The following DCT variants were observed in gnomAD, a reference collection of about 807,000 sequenced individuals.
The protein encoded by DCT is dopachrome tautomerase.
A neutral mutation model predicts 53.0 loss-of-function variants in DCT; 47 were observed. The ratio of observed to expected loss-of-function variants is 0.89; its 90% CI spans 0.70 to 1.13. The LOEUF (loss-of-function observed/expected upper bound fraction) is 1.13. DCT is among the 50% of genes most tolerant of loss of function. The pLI is 0.00. For missense variants in DCT, 669 were observed against 637.4 expected (o/e 1.05, Z -0.53); for synonymous variants, 244 against 237.0 (o/e 1.03, Z -0.27).
At chr13:94,525,645 C>T in the DCT span, among the ~76,000 whole-genome samples, 1 of 152,160 alleles carries the variant, frequency 6.6e-6, no homozygotes, top group Non-Finnish European at 1.5e-5. Context: ...TTAAACGCAA[C>T]TCTTGAGGCC....
At chr13:94,459,233 G>A (rs948304578) in intron 6 of DCT, among the ~76,000 whole-genome samples, 1 of 152,138 alleles carries the variant, frequency 6.6e-6, no homozygotes, top group Non-Finnish European at 1.5e-5. Flanking sequence ...TACCAAAGGA[G>A]TTCATCACAC....
At chr13:94,519,466 C>T in the DCT span, among the ~76,000 whole-genome samples, 15 of 152,254 alleles carry the variant, frequency 9.9e-5, no homozygotes, top group African/African-American at 3.6e-4. Flanking sequence ...AATCTCATGT[C>T]ATCTAACCCC....
chr13:94,536,796 A>T, the DCT span, among the ~76,000 whole-genome samples: 1 of 152,216 alleles, frequency 6.6e-6, no homozygotes, highest in Admixed American at 6.5e-5. Context: ...TACAAAAATT[A>T]GCGGAGGTGT....
At chr13:94,501,888 T>A in the DCT span, among the ~76,000 whole-genome samples, 1 of 152,204 alleles carries the variant, frequency 6.6e-6, no homozygotes, top group Non-Finnish European at 1.5e-5. Flanking sequence ...TTAAGGAAGC[T>A]GAAGGCAGCC....
At position 94,465,620 on chromosome 13, in the gene DCT, C is replaced by T. The variant is rs1386582855; in HGVS notation, c.863+13G>A. The T allele has an allele frequency of 2.5e-6, 4 of 1,611,406 alleles. No homozygotes were observed. The highest frequency in any genetic ancestry group is 3.4e-6 in the Non-Finnish European group (4 of 1,178,370). On this transcript the variant is annotated intron_variant, in intron 4 of 7. Coordinates refer to ENST00000377028, the MANE Select transcript of DCT (RefSeq NM_001922.5). ...CAATCTCTGGATGCCATTGCAGGTA[C>T]AGGAGCCATTACCTATCACAGACAG... is the stretch of plus-strand genomic sequence containing the variant.
chr13:94,459,093 G>T (rs113305772), intron 6 of DCT, among the ~76,000 whole-genome samples: 7,872 of 151,894 alleles, frequency 0.052, 299 homozygotes, highest in Non-Finnish European at 0.079. Context: ...TGCCCAGGCT[G>T]GTCTTGAACT....
chr13:94,518,575 T>C, the DCT span, among the ~76,000 whole-genome samples: 1 of 152,180 alleles, frequency 6.6e-6, no homozygotes, highest in Non-Finnish European at 1.5e-5. Flanking sequence ...TGCCTCAAAG[T>C]TTCTCAAACC....
At chr13:94,465,910 G>T in intron 3 of DCT, 111 bp from the exon 4 acceptor site, 1 of 588,864 alleles carries the variant, frequency 1.7e-6, no homozygotes, top group Admixed American at 3.7e-5. Context: ...CCAAGACAAA[G>T]ACTACTGGAT....
the DCT span, among the ~76,000 whole-genome samples, chr13:94,521,441 T>TG: frequency 1.3e-5 from 2 of 152,162 alleles, no homozygotes; most frequent in Non-Finnish European, 2.9e-5. Context: ...GAGGCCGAGG[T>TG]GGGCGGATCA....
the DCT span, among the ~76,000 whole-genome samples, chr13:94,532,966 T>C: frequency 1.3e-5 from 2 of 152,228 alleles, no homozygotes; most frequent in Non-Finnish European, 2.9e-5. Flanking sequence ...TTATTTGGCT[T>C]AACCCATCAT....
In DCT at chr13:94,479,013, A is replaced by G; in HGVS notation, c.243T>C (p.Asp81=). 2 of 1,613,864 alleles carry G rather than the reference A, an allele frequency of 1.2e-6. No homozygotes were observed. Among genetic ancestry groups the G allele is most frequent in the Non-Finnish European group, 1.7e-6 (2 of 1,179,762 alleles). Residue 81 remains aspartate (D), a synonymous_variant, in exon 1 of 8, where the codon GAT becomes GAC. Coordinates refer to ENST00000377028, the MANE Select transcript of DCT (RefSeq NM_001922.5). The part of the protein sequence containing the change: ...WSGPYILRNQ[D]DRELWPRKFF... ...ATTTTCTTGGCCACAGCTCACGGTC[A>G]TCCTGGTTTCGTAGGATGTAGGGAC...
chr13:94,497,398 C>A, the DCT span, among the ~76,000 whole-genome samples: 1 of 152,156 alleles, frequency 6.6e-6, no homozygotes, highest in Non-Finnish European at 1.5e-5. Context: ...GACCCTTGAA[C>A]ATCATGGGGT....
chr13:94,489,771 CACA>C, the DCT span, among the ~76,000 whole-genome samples: 3 of 152,030 alleles, frequency 2.0e-5, no homozygotes, highest in Non-Finnish European at 2.9e-5. Flanking sequence ...TACACACACA[CACA>C]CACACACACA....
the DCT span, among the ~76,000 whole-genome samples, chr13:94,500,379 G>C: frequency 6.6e-6 from 1 of 152,214 alleles, no homozygotes; most frequent in Non-Finnish European, 1.5e-5. Flanking sequence ...CAAATCTCGT[G>C]AGACTTATTC....
At chr13:94,548,599 C>T in the DCT span, among the ~76,000 whole-genome samples, 1 of 152,042 alleles carries the variant, frequency 6.6e-6, no homozygotes, top group African/African-American at 2.4e-5. Context: ...TACAAGATAA[C>T]ATCAGGTGCC....
Position 94,453,404 on chromosome 13 carries a change from A to G in DCT, c.1179+6687T>C, listed in dbSNP as rs1883220285. Reference sequence around the variant, plus strand: ...TTTTCACCAACATTTCTGTAATTATAAATAATATAAAAATCATAAACCAAT... The same window carrying G: ...TTTTCACCAACATTTCTGTAATTATGAATAATATAAAAATCATAAACCAAT... On this transcript the variant is annotated intron_variant, in intron 6 of 7. Coordinates refer to ENST00000377028, the MANE Select transcript of DCT (RefSeq NM_001922.5). Among the ~76,000 whole-genome samples the G allele has an allele frequency of 2.0e-5, 3 of 152,224 alleles. No individual in the cohort carries two copies. In the South Asian group the frequency reaches 6.2e-4, roughly 31 times the overall value.
At chr13:94,512,332 T>C in the DCT span, among the ~76,000 whole-genome samples, 10 of 152,126 alleles carry the variant, frequency 6.6e-5, no homozygotes, top group Non-Finnish European at 1.2e-4. Flanking sequence ...CAAGACACAC[T>C]AAGAAGCAGA....
intron 6 of DCT, among the ~76,000 whole-genome samples, chr13:94,455,365 G>A (rs1024540815): frequency 1.4e-5 from 2 of 141,828 alleles, no homozygotes; most frequent in African/African-American, 5.3e-5. Flanking sequence ...CTGGGCAACA[G>A]AGAGAGACTG....
At chr13:94,538,535 A>G in the DCT span, among the ~76,000 whole-genome samples, 6 of 152,030 alleles carry the variant, frequency 3.9e-5, no homozygotes, top group Non-Finnish European at 5.9e-5. Context: ...CCTCTTCTTC[A>G]TCTATTGTAG....
Sources: gnomAD v4.1 joint callset for allele counts (sites outside exome capture counted in the v4.1 genomes callset) on GRCh38, gnomAD v4.1.1 for gene constraint, MANE v1.5 for transcripts, NCBI Gene and HGNC (gene_info 2026-07-23, HGNC 2026-07-21) for gene names.